The following BCKDHB variants were observed in gnomAD, a reference collection of about 807,000 sequenced individuals.
BCKDHB encodes 2-oxoisovalerate dehydrogenase subunit beta, mitochondrial.
In BCKDHB, 41 loss-of-function variants were observed where a neutral mutation model predicts 48.5. The ratio of observed to expected loss-of-function variants is 0.85; its 90% CI spans 0.66 to 1.10. The LOEUF (loss-of-function observed/expected upper bound fraction) is 1.10, where lower values mean the gene tolerates loss of function less well. Ranked by LOEUF, BCKDHB falls within the 50% of genes least tolerant of loss-of-function variation. BCKDHB has a pLI of 0.00. For missense variants in BCKDHB, 496 were observed against 494.2 expected, an observed-to-expected ratio of 1.00 and a Z score of -0.03; for synonymous variants, 201 against 174.8, an observed-to-expected ratio of 1.15 and a Z score of -1.18.
chr6:80,306,047 G>A (rs1182467868), intron 9 of BCKDHB, among the ~76,000 whole-genome samples: 2 of 152,090 alleles, frequency 1.3e-5, no homozygotes, highest in African/African-American at 4.8e-5. Flanking sequence ...TCTTCCATAT[G>A]GCTATCGTGA....
rs142095261 is a variant in BCKDHB, at chr6:80,141,454, T to G, written c.343+12225T>G. On this transcript the variant is annotated intron_variant, in intron 3 of 9. Coordinates refer to ENST00000320393, the MANE Select transcript of BCKDHB (RefSeq NM_183050.4). ...AGGTTGTTCTGGGGTTGGAGCTACT[T>G]CTGTAACCATTGTTTTCAATTTAAT... Among the ~76,000 whole-genome samples, 264 of 152,240 alleles carry G rather than the reference T, an allele frequency of 1.7e-3. 1 individual carries two copies. The highest frequency in any genetic ancestry group is 6.0e-3 in the African/African-American group (250 of 41,562).
the BCKDHB span, among the ~76,000 whole-genome samples, chr6:80,409,631 T>TATATATATAA: frequency 9.0e-6 from 1 of 111,430 alleles, no homozygotes; most frequent in Non-Finnish European, 1.9e-5. Flanking sequence ...TATATATATA[T>TATATATATAA]GATAGTTAGT....
intron 8 of BCKDHB, among the ~76,000 whole-genome samples, chr6:80,239,889 G>T (rs1263176694): frequency 6.6e-6 from 1 of 152,070 alleles, no homozygotes; most frequent in African/African-American, 2.4e-5. Flanking sequence ...TTTATGTCAG[G>T]TTTGTCAAAG....
chr6:80,371,700 T>G, the BCKDHB span, among the ~76,000 whole-genome samples: 3 of 152,180 alleles, frequency 2.0e-5, no homozygotes. Flanking sequence ...CTTCTACATG[T>G]GGCTTGTCAA....
At position 80,216,171 on chromosome 6, in the gene BCKDHB, T is replaced by C. The variant is rs1045794301; in HGVS notation, c.951+12959T>C. ...ATTAGACATCAGTGTCATTATTTTA[T>C]AGGGAAGAAAACTGAGGTTTGGGGA... On this transcript the variant is annotated intron_variant, in intron 8 of 9. Coordinates refer to ENST00000320393, the MANE Select transcript of BCKDHB (RefSeq NM_183050.4). 5.4e-4 allele frequency among the ~76,000 whole-genome samples: 83 copies of C among 152,304 alleles called. 3 individuals are homozygous for C. Among genetic ancestry groups the C allele is most frequent in the African/African-American group, 2.0e-3 (82 of 41,588 alleles).
chr6:80,358,972 A>T, the BCKDHB span, among the ~76,000 whole-genome samples: 2 of 152,202 alleles, frequency 1.3e-5, no homozygotes, highest in Non-Finnish European at 2.9e-5. Context: ...GCAGCAAATC[A>T]ATCACTCTGA....
At chr6:80,239,912 T>C (rs1294353814) in intron 8 of BCKDHB, among the ~76,000 whole-genome samples, 1 of 152,192 alleles carries the variant, frequency 6.6e-6, no homozygotes, top group Non-Finnish European at 1.5e-5. Flanking sequence ...CAGATGGTTG[T>C]AGATGTGTGG....
chr6:80,303,269 G>A (rs1233599629), intron 9 of BCKDHB, among the ~76,000 whole-genome samples: 2 of 151,974 alleles, frequency 1.3e-5, no homozygotes, highest in African/African-American at 2.4e-5. Context: ...CACTGGCATC[G>A]AGGTGGAGCC....
chr6:80,428,312 A>C, the BCKDHB span, among the ~76,000 whole-genome samples: 1 of 152,096 alleles, frequency 6.6e-6, no homozygotes, highest in Non-Finnish European at 1.5e-5. Context: ...TGCTATTCTG[A>C]ATAGTGTTGC....
chr6:80,310,749 C>T (rs953977650), intron 9 of BCKDHB, among the ~76,000 whole-genome samples: 10 of 152,204 alleles, frequency 6.6e-5, no homozygotes, highest in African/African-American at 2.2e-4. Context: ...TCCACAACCT[C>T]ACCAGCATCT....
At chr6:80,170,366 A>G (rs867504012) in intron 5 of BCKDHB, among the ~76,000 whole-genome samples, 1 of 152,176 alleles carries the variant, frequency 6.6e-6, no homozygotes, top group Non-Finnish European at 1.5e-5. Flanking sequence ...CTCTTCCTAT[A>G]TAATATTTGT....
At chr6:80,303,769 A>G (rs532367201) in intron 9 of BCKDHB, among the ~76,000 whole-genome samples, 9 of 152,166 alleles carry the variant, frequency 5.9e-5, no homozygotes, top group Non-Finnish European at 1.0e-4. Context: ...TTTACAAAGC[A>G]TCACTTTATG....
chr6:80,448,778 G>A, the BCKDHB span, among the ~76,000 whole-genome samples: 8 of 152,166 alleles, frequency 5.3e-5, no homozygotes, highest in South Asian at 1.7e-3. Flanking sequence ...AGATATCCTT[G>A]ATGCCATGAA....
At chr6:80,248,603 G>T (rs2127930063) in intron 8 of BCKDHB, among the ~76,000 whole-genome samples, 1 of 152,178 alleles carries the variant, frequency 6.6e-6, no homozygotes, top group South Asian at 2.1e-4. Context: ...ACCAGGGCTG[G>T]GACTGCTGGA....
At chr6:80,421,070 A>T in the BCKDHB span, among the ~76,000 whole-genome samples, 1 of 152,054 alleles carries the variant, frequency 6.6e-6, no homozygotes, top group Non-Finnish European at 1.5e-5. Flanking sequence ...CCCAAATTTC[A>T]TCTTGAATTG....
the BCKDHB span, among the ~76,000 whole-genome samples, chr6:80,357,769 T>G: frequency 6.6e-6 from 1 of 152,240 alleles, no homozygotes; most frequent in African/African-American, 2.4e-5. Flanking sequence ...AACGATGCTC[T>G]GAAAGTCTTC....
intron 8 of BCKDHB, among the ~76,000 whole-genome samples, chr6:80,237,071 G>A (rs1386616733): frequency 6.6e-6 from 1 of 152,180 alleles, no homozygotes; most frequent in Non-Finnish European, 1.5e-5. Flanking sequence ...TTTTATAAGG[G>A]AACTGCAAGT....
At chr6:80,229,336 T>C (rs1228996363) in intron 8 of BCKDHB, among the ~76,000 whole-genome samples, 1 of 152,330 alleles carries the variant, frequency 6.6e-6, no homozygotes, top group Non-Finnish European at 1.5e-5. Flanking sequence ...CACTGACCAC[T>C]GCTCTCAGGT....
the BCKDHB span, among the ~76,000 whole-genome samples, chr6:80,434,340 AC>A: frequency 6.6e-6 from 1 of 151,562 alleles, no homozygotes; most frequent in Non-Finnish European, 1.5e-5. Flanking sequence ...TTTTCAGTCT[AC>A]AAAGTAGACT....
Sources: allele counts gnomAD v4.1 joint callset (sites outside exome capture counted in the v4.1 genomes callset), GRCh38; gene constraint gnomAD v4.1.1; transcripts MANE v1.5; gene names NCBI Gene and HGNC (gene_info 2026-07-23, HGNC 2026-07-21).